AADACL4: variants seen among roughly 807,000 people sequenced by gnomAD.
The protein encoded by AADACL4 is arylacetamide deacetylase like 4.
Under a neutral mutation model 14.1 loss-of-function variants are expected in AADACL4, and 9 were observed. The ratio of observed to expected loss-of-function variants is 0.64; its 90% CI spans 0.39 to 1.12. AADACL4 has a LOEUF of 1.12. AADACL4 is among the 50% of genes most tolerant of loss of function. The pLI is 0.01. For synonymous variants in AADACL4, 188 were observed against 201.6 expected, an observed-to-expected ratio of 0.93 and a Z score of 0.57; for missense variants, 531 against 516.1, an observed-to-expected ratio of 1.03 and a Z score of -0.28.
rs750391235 is a variant in AADACL4, at chr1:12,666,765, G to A, written c.*30G>A. ...AACCCTGGGGCCCCGAGGAGGAAGG[G>A]GCAAGTATGGACTCTACCAGAAACC... is the stretch of plus-strand genomic sequence containing the variant. On this transcript the variant is annotated 3_prime_UTR_variant, in exon 4 of 4. Coordinates refer to ENST00000376221, the MANE Select transcript of AADACL4 (RefSeq NM_001013630.2). The A allele has an allele frequency of 3.8e-6, 6 of 1,560,762 alleles. No individual in the cohort carries two copies. The South Asian group carries it at 7.1e-5, about 19-fold the overall frequency.
At chr1:12,661,358 C>T (rs551084824) in intron 2 of AADACL4, among the ~76,000 whole-genome samples, 3 of 152,266 alleles carry the variant, frequency 2.0e-5, no homozygotes, top group South Asian at 4.1e-4. Flanking sequence ...CTCATATTGA[C>T]GGACCTGCCT....
chr1:12,648,366 T>TTCCC (rs1390214309), intron 1 of AADACL4, among the ~76,000 whole-genome samples: 154 of 150,136 alleles, frequency 1.0e-3, no homozygotes, highest in African/African-American at 3.6e-3. Context: ...CCTTCCTTCC[T>TTCCC]TCCTTCCTTC....
At chr1:12,665,261 C>T (rs192339845) in intron 3 of AADACL4, among the ~76,000 whole-genome samples, 74 of 152,160 alleles carry the variant, frequency 4.9e-4, no homozygotes, top group African/African-American at 1.7e-3. Context: ...CTCGCTCTGT[C>T]GCCCAGGCTG....
intron 2 of AADACL4, among the ~76,000 whole-genome samples, chr1:12,652,273 A>G (rs1647153351): frequency 6.6e-6 from 1 of 152,136 alleles, no homozygotes; most frequent in African/African-American, 2.4e-5. Flanking sequence ...CTGCAGTCCC[A>G]ATACGCGTCT....
Position 12,651,172 on chromosome 1 carries a change from G to GT in AADACL4, c.224dup (p.Leu75PhefsTer3), listed in dbSNP as rs1647143015. ...ATTTGCTCCATGCCCAAATTTATTC[G>GT]TTTTTTACATGATAGCGTGAGAATT... On this transcript the variant is annotated frameshift_variant, in exon 2 of 4. Transcript: ENST00000376221. LOFTEE classifies it high-confidence loss of function. 1 of 1,614,200 alleles carries GT rather than the reference G, an allele frequency of 6.2e-7. No homozygotes were observed. The highest frequency in any genetic ancestry group is 8.5e-7 in the Non-Finnish European group (1 of 1,180,034).
At position 12,644,437 on chromosome 1, in the gene AADACL4, C is replaced by T. The variant is rs1283785023; in HGVS notation, c.-110C>T. The T allele has an allele frequency of 2.3e-6, 3 of 1,307,690 alleles. No individual in the cohort carries two copies. The highest frequency in any genetic ancestry group is 3.2e-6 in the Non-Finnish European group (3 of 945,546). 81.0% of individuals were successfully genotyped at this position (1,307,690 alleles called of 1,614,324 possible). ...CCACTGTGTCAGGTGTCAGGCTTAGCCCAGAGAGAGTGAGGTGGAGGAGGC... is the reference window on the plus strand; with the variant it reads ...CCACTGTGTCAGGTGTCAGGCTTAGTCCAGAGAGAGTGAGGTGGAGGAGGC... On this transcript the variant is annotated 5_prime_UTR_variant, in exon 1 of 4. Coordinates refer to ENST00000376221, the MANE Select transcript of AADACL4 (RefSeq NM_001013630.2).
At chr1:12,660,870 C>T (rs1384276570) in intron 2 of AADACL4, among the ~76,000 whole-genome samples, 1 of 152,080 alleles carries the variant, frequency 6.6e-6, no homozygotes, top group Non-Finnish European at 1.5e-5. Context: ...TCTCAAACTC[C>T]TGACCTCGTG....
At position 12,665,354 on chromosome 1, in the gene AADACL4, C is replaced by T. The variant is rs538554087; in HGVS notation, c.450-607C>T. 1.5e-3 allele frequency among the ~76,000 whole-genome samples: 232 copies of T among 152,264 alleles called. 1 individual carries two copies. Among genetic ancestry groups the T allele is most frequent in the African/African-American group, 5.3e-3 (222 of 41,548 alleles). On this transcript the variant is annotated intron_variant, in intron 3 of 3. Transcript: ENST00000376221. The stretch of plus-strand genomic sequence containing the variant: ...TCTCCTGCCTCAGCCTCCTGAGTAG[C>T]TGGGACTATAGGCGCCCGCCACCAC...
chr1:12,648,448 G>A (rs1364594513), intron 1 of AADACL4, among the ~76,000 whole-genome samples: 1 of 149,918 alleles, frequency 6.7e-6, no homozygotes, highest in Non-Finnish European at 1.5e-5. Context: ...CCAGGCTGAA[G>A]TGCAGTGGCA....
chr1:12,645,242 CCCT>C (rs1647103792), intron 1 of AADACL4, among the ~76,000 whole-genome samples: 8 of 128,026 alleles, frequency 6.2e-5, no homozygotes, highest in African/African-American at 2.4e-4. Flanking sequence ...TTTCTTCCTT[CCCT>C]CCTCCCTCCC....
At chr1:12,657,982 T>C (rs776190188) in intron 2 of AADACL4, among the ~76,000 whole-genome samples, 70 of 152,184 alleles carry the variant, frequency 4.6e-4, no homozygotes, top group Non-Finnish European at 7.8e-4. Context: ...AATTGTCTTG[T>C]CTTGCCTTCT....
chr1:12,646,102 C>T (rs190981177), intron 1 of AADACL4, among the ~76,000 whole-genome samples: 182 of 152,278 alleles, frequency 1.2e-3, no homozygotes, highest in African/African-American at 4.1e-3. Context: ...CCCAATGTCC[C>T]AACCCTAGGT....
Position 12,666,749 on chromosome 1 carries a change from GC to G in AADACL4, c.*18del. Reference sequence around the variant, plus strand: ...AAGGGCATATGATAGTAACCCTGGGGCCCCGAGGAGGAAGGGGCAAGTATGG... The same window carrying G: ...AAGGGCATATGATAGTAACCCTGGGGCCCGAGGAGGAAGGGGCAAGTATGG... On this transcript the variant is annotated 3_prime_UTR_variant, in exon 4 of 4. Coordinates refer to ENST00000376221, the MANE Select transcript of AADACL4 (RefSeq NM_001013630.2). The G allele has an allele frequency of 6.3e-7, 1 of 1,578,690 alleles. No individual in the cohort carries two copies. The highest frequency in any genetic ancestry group is 1.7e-4 in the Middle Eastern group (1 of 5,926).
intron 1 of AADACL4, among the ~76,000 whole-genome samples, chr1:12,645,963 CGTGCCAGCCAGGCT>C (rs1647108896): frequency 6.6e-6 from 1 of 152,238 alleles, no homozygotes; most frequent in South Asian, 2.1e-4. Flanking sequence ...TCTGAGTGGC[CGTGCCAGCCAGGCT>C]CTGAGCAGGG....
At chr1:12,658,131 CCTTCCTTCCTTTCTTTCTTT>C (rs1426872419) in intron 2 of AADACL4, among the ~76,000 whole-genome samples, 1 of 119,964 alleles carries the variant, frequency 8.3e-6, no homozygotes, top group Non-Finnish European at 1.6e-5. Context: ...TTCCTTCCTT[CCTTCCTTCCTTTCTTTCTTT>C]CTTTCTTTCT....
intron 2 of AADACL4, among the ~76,000 whole-genome samples, chr1:12,657,475 C>T (rs1647184244): frequency 6.6e-6 from 1 of 152,106 alleles, no homozygotes; most frequent in African/African-American, 2.4e-5. Context: ...GGGACGTTGA[C>T]CCTCGCCAGT....
At chr1:12,658,706 C>T (rs1647203387) in intron 2 of AADACL4, among the ~76,000 whole-genome samples, 1 of 150,810 alleles carries the variant, frequency 6.6e-6, no homozygotes, top group Admixed American at 6.6e-5. Context: ...TGCCCTGCCC[C>T]CCGTGTACAC....
chr1:12,665,450 C>T (rs1647301519), intron 3 of AADACL4, among the ~76,000 whole-genome samples: 1 of 152,174 alleles, frequency 6.6e-6, no homozygotes. Context: ...TGGTCTCGAT[C>T]TCCTGACCTC....
At chr1:12,654,272 A>T (rs1213610247) in intron 2 of AADACL4, among the ~76,000 whole-genome samples, 2 of 152,226 alleles carry the variant, frequency 1.3e-5, no homozygotes, top group African/African-American at 4.8e-5. Context: ...GAGTATTACA[A>T]GGAGATCTGC....
Sources: allele counts gnomAD v4.1 joint callset (sites outside exome capture counted in the v4.1 genomes callset), GRCh38; gene constraint gnomAD v4.1.1; transcripts MANE v1.5; gene names NCBI Gene and HGNC (gene_info 2026-07-23, HGNC 2026-07-21).